Variants in TMEM132D observed in about 807,000 individuals in gnomAD.
The protein encoded by TMEM132D is transmembrane protein 132D.
A neutral mutation model predicts 62.3 loss-of-function variants in TMEM132D; 21 were observed. The ratio of observed to expected loss-of-function variants is 0.34; its 90% CI spans 0.24 to 0.49. TMEM132D has a LOEUF of 0.49. Ranked by LOEUF, TMEM132D falls within the 20% of genes least tolerant of loss-of-function variation. The pLI is 0.99. For missense variants in TMEM132D, 1,346 were observed against 1,402.8 expected (o/e 0.96, Z 0.65); for synonymous variants, 621 against 575.6 (o/e 1.08, Z -1.13).
chr12:129,626,987 A>G (rs1455062465), intron 2 of TMEM132D, among the ~76,000 whole-genome samples: 1 of 152,128 alleles, frequency 6.6e-6, no homozygotes, highest in African/African-American at 2.4e-5. Flanking sequence ...CCTGTTTCAA[A>G]AAAGGAGGAC....
intron 5 of TMEM132D, among the ~76,000 whole-genome samples, chr12:129,187,759 C>T (rs767192912): frequency 2.0e-5 from 3 of 152,172 alleles, no homozygotes; most frequent in South Asian, 2.1e-4. Context: ...TAGGACAAAA[C>T]GAAGCAATCA....
At chr12:129,085,022 G>T (rs544197384) in intron 5 of TMEM132D, 9 of 491,352 alleles carry the variant, frequency 1.8e-5, no homozygotes, top group Admixed American at 1.1e-4. Context: ...CTGCCCTTAG[G>T]TGAGTGGAGC....
At chr12:129,486,038 A>T (rs1011295820) in intron 3 of TMEM132D, among the ~76,000 whole-genome samples, 4 of 152,184 alleles carry the variant, frequency 2.6e-5, no homozygotes, top group Non-Finnish European at 4.4e-5. Context: ...CTTCCTGTTG[A>T]TGCCGGAATC....
intron 1 of TMEM132D, among the ~76,000 whole-genome samples, chr12:129,825,710 C>G (rs144045390): frequency 3.3e-5 from 5 of 152,110 alleles, no homozygotes; most frequent in Admixed American, 1.3e-4. Context: ...GCCCTCGGGA[C>G]GCCCACTGTG....
intron 3 of TMEM132D, among the ~76,000 whole-genome samples, chr12:129,514,511 A>G (rs1288042036): frequency 2.6e-5 from 4 of 151,970 alleles, no homozygotes; most frequent in Non-Finnish European, 5.9e-5. Flanking sequence ...GATTCTTAGA[A>G]CATCAATAGT....
chr12:129,164,388 C>G (rs1350020173), intron 5 of TMEM132D, among the ~76,000 whole-genome samples: 1 of 152,254 alleles, frequency 6.6e-6, no homozygotes, highest in East Asian at 1.9e-4. Flanking sequence ...AATTAAACAG[C>G]GAAAATAATC....
At position 129,345,254 on chromosome 12, in the gene TMEM132D, G is replaced by T. The variant is rs545428226; in HGVS notation, c.1116-7437C>A. Among the ~76,000 whole-genome samples, 5 of 152,136 alleles carry T rather than the reference G, an allele frequency of 3.3e-5. No individual in the cohort carries two copies. In the South Asian group the frequency reaches 8.3e-4, roughly 25 times the overall value. ...TGTGAATAAGAGAATTCAATTTTTG[G>T]CAGGGATCCCCTCATTAATGCAGCT... On this transcript the variant is annotated intron_variant, in intron 3 of 8. Transcript: ENST00000422113.
In TMEM132D at chr12:129,072,175, TAGGTTCAA is replaced by T. The variant is rs902140218; in HGVS notation, c.*1692_*1699del. On this transcript the variant is annotated 3_prime_UTR_variant, in exon 9 of 9. Coordinates refer to ENST00000422113, the MANE Select transcript of TMEM132D (RefSeq NM_133448.3). ...AGATGGAGAGGAAGCAGGGAGAAGA[TAGGTTCAA>T]AGGAGGAGAGAGATACAGAGACAGA... 6.6e-6 allele frequency: 1 copy of T among 151,550 alleles called. No individual in the cohort carries two copies. Among genetic ancestry groups the T allele is most frequent in the African/African-American group, 2.4e-5 (1 of 41,062 alleles). The allele number at this position is 151,550 out of a possible 1,614,324, so 9.4% of individuals were successfully genotyped here.
At chr12:129,335,637 C>G (rs1371008529) in intron 4 of TMEM132D, among the ~76,000 whole-genome samples, 1 of 152,088 alleles carries the variant, frequency 6.6e-6, no homozygotes, top group Non-Finnish European at 1.5e-5. Flanking sequence ...AAAACAGGTA[C>G]TAAGATGAGG....
chr12:129,251,844 G>T (rs546921105), intron 4 of TMEM132D, among the ~76,000 whole-genome samples: 2 of 152,216 alleles, frequency 1.3e-5, no homozygotes, highest in African/African-American at 4.8e-5. Flanking sequence ...CTGCTAGTTG[G>T]ACCGTGGATG....
In TMEM132D at chr12:129,516,511, A is replaced by G. The variant is rs1875685900; in HGVS notation, c.1115+14548T>C. On this transcript the variant is annotated intron_variant, in intron 3 of 8. Coordinates refer to ENST00000422113, the MANE Select transcript of TMEM132D (RefSeq NM_133448.3). Reference sequence around the variant, plus strand: ...CAGACAGGAGAGAAAATGAGAGCTAAGTGAAAGGGGCTTCCCCTTATAATA... The same window carrying G: ...CAGACAGGAGAGAAAATGAGAGCTAGGTGAAAGGGGCTTCCCCTTATAATA... Among the ~76,000 whole-genome samples the G allele has an allele frequency of 1.3e-5, 2 of 152,162 alleles. 1 individual carries two copies. Among genetic ancestry groups the G allele is most frequent in the South Asian group, 4.1e-4 (2 of 4,830 alleles).
At chr12:129,689,123 G>T (rs184272158) in intron 2 of TMEM132D, among the ~76,000 whole-genome samples, 1 of 152,272 alleles carries the variant, frequency 6.6e-6, no homozygotes, top group Admixed American at 6.5e-5. Context: ...ACAGTATGAG[G>T]TTGAGAAACC....
rs968656736 is a variant in TMEM132D at position 129,082,002 on chromosome 12, A to C, written c.1680T>G (p.Asp560Glu). The C allele has an allele frequency of 3.7e-6, 6 of 1,611,430 alleles. No homozygotes were observed. Among genetic ancestry groups the C allele is most frequent in the Non-Finnish European group, 5.1e-6 (6 of 1,178,318 alleles). The change falls in exon 7 of 9, where the codon GAT becomes GAG. Residue 560 changes from aspartate (D) to glutamate (E), a missense_variant. Coordinates refer to ENST00000422113, the MANE Select transcript of TMEM132D (RefSeq NM_133448.3). The part of the protein sequence containing the change: ...RPAGDSEEEE[D>E]DERRGRGCTL... ...TGCAGCCGCGGCCCCTCCGCTCATCATCCTCCTCCTCTTCACTGTCCCCGG... is the reference window on the plus strand; with the variant it reads ...TGCAGCCGCGGCCCCTCCGCTCATCCTCCTCCTCCTCTTCACTGTCCCCGG...
intron 4 of TMEM132D, among the ~76,000 whole-genome samples, chr12:129,284,034 C>A (rs745343069): frequency 6.6e-6 from 1 of 152,262 alleles, no homozygotes; most frequent in Non-Finnish European, 1.5e-5. Context: ...ACGTGGGAGG[C>A]ACCTGATGGA....
intron 2 of TMEM132D, among the ~76,000 whole-genome samples, chr12:129,648,684 C>G (rs1879849163): frequency 6.6e-6 from 1 of 152,150 alleles, no homozygotes; most frequent in African/African-American, 2.4e-5. Context: ...GTATACAAGT[C>G]AATTTTATTG....
chr12:129,478,271 C>T (rs985741844), intron 3 of TMEM132D, among the ~76,000 whole-genome samples: 1 of 152,158 alleles, frequency 6.6e-6, no homozygotes, highest in Non-Finnish European at 1.5e-5. Flanking sequence ...GATTACTATA[C>T]TCTACCATGG....
At chr12:129,289,248 ATT>A (rs1881381667) in intron 4 of TMEM132D, among the ~76,000 whole-genome samples, 1 of 152,196 alleles carries the variant, frequency 6.6e-6, no homozygotes, top group African/African-American at 2.4e-5. Flanking sequence ...GGTAGAACTA[ATT>A]TTAACTGCCC....
chr12:129,793,345 T>G (rs1246748301), intron 1 of TMEM132D, among the ~76,000 whole-genome samples: 3 of 152,182 alleles, frequency 2.0e-5, no homozygotes, highest in African/African-American at 4.8e-5. Flanking sequence ...ATTCTCCAGC[T>G]GGAGTTGGGA....
At chr12:129,329,033 A>AAT (rs201004813) in intron 4 of TMEM132D, among the ~76,000 whole-genome samples, 2,213 of 147,558 alleles carry the variant, frequency 0.015, 73 homozygotes, top group East Asian at 0.14. Context: ...ATATGTAAAG[A>AAT]ATATATATAT....
Sources: gnomAD v4.1 joint callset for allele counts (sites outside exome capture counted in the v4.1 genomes callset) on GRCh38, gnomAD v4.1.1 for gene constraint, MANE v1.5 for transcripts, NCBI Gene and HGNC (gene_info 2026-07-23, HGNC 2026-07-21) for gene names.